DACH2: variants seen among roughly 807,000 people sequenced by gnomAD.
The protein encoded by DACH2 is dachshund family transcription factor 2, also known as dachshund homolog 2.
Under a neutral mutation model 35.8 loss-of-function variants are expected in DACH2, and 17 were observed. That is an observed-to-expected ratio of 0.48 (90% confidence interval 0.33 to 0.71). DACH2 has a LOEUF of 0.71. Among genes scored for constraint, DACH2 ranks in the 30% least tolerant of loss-of-function variants. The pLI, the probability that DACH2 is intolerant of heterozygous loss-of-function variation, is 0.02. For synonymous variants in DACH2, 195 were observed against 177.3 expected (o/e 1.10, Z -0.79); for missense variants, 469 against 472.7 (o/e 0.99, Z 0.07).
chrX:86,671,288 A>G (rs150620538), intron 4 of DACH2, among the ~76,000 whole-genome samples: 25 of 112,334 alleles, frequency 2.2e-4, no homozygotes, highest in Non-Finnish European at 1.7e-4. Flanking sequence ...GGATATTGCA[A>G]CGAAAGGTAT....
At chrX:86,414,623 G>A (rs1602494310) in intron 2 of DACH2, among the ~76,000 whole-genome samples, 1 of 111,164 alleles carries the variant, frequency 9.0e-6, no homozygotes, top group East Asian at 2.9e-4. Flanking sequence ...CAGCTGGAAT[G>A]AGTAGGTCTA....
intron 2 of DACH2, among the ~76,000 whole-genome samples, chrX:86,444,420 G>C (rs1229798381): frequency 9.0e-6 from 1 of 111,530 alleles, no homozygotes; most frequent in Non-Finnish European, 1.9e-5. Flanking sequence ...GTAGAATTCA[G>C]CAGTAAAGTC....
intron 2 of DACH2, among the ~76,000 whole-genome samples, chrX:86,390,741 C>A (rs932705600): frequency 9.2e-6 from 1 of 108,936 alleles, no homozygotes; most frequent in African/African-American, 3.3e-5. Flanking sequence ...AGGCATGCAC[C>A]ACCACACCTG....
intron 1 of DACH2, among the ~76,000 whole-genome samples, chrX:86,358,431 C>CCACA (rs752012562): frequency 0.012 from 1,076 of 87,518 alleles, 4 homozygotes; most frequent in Middle Eastern, 0.019. Flanking sequence ...CCCAGCCCCG[C>CCACA]CACACACACA....
At chrX:86,336,195 T>C (rs866849953) in intron 1 of DACH2, among the ~76,000 whole-genome samples, 34 of 112,443 alleles carry the variant, frequency 3.0e-4, no homozygotes, top group African/African-American at 1.1e-3. Flanking sequence ...ATCAGGGCTA[T>C]TGGCCTGAAA....
At chrX:86,590,515 C>G (rs1427851077) in intron 3 of DACH2, among the ~76,000 whole-genome samples, 1 of 111,978 alleles carries the variant, frequency 8.9e-6, no homozygotes, top group East Asian at 2.8e-4. Flanking sequence ...ATCAATGAAG[C>G]TGCTGTATAT....
rs137921843 is a variant in DACH2, at chrX:86,814,724, C to A, written c.1574C>A (p.Thr525Asn). 50 of 1,209,298 alleles carry A rather than the reference C, an allele frequency of 4.1e-5. No individual in the cohort carries two copies. Among genetic ancestry groups the A allele is most frequent in the East Asian group, 8.9e-5 (3 of 33,722 alleles). The change falls in exon 10 of 12, where the codon ACC becomes AAC. Residue 525 changes from threonine to asparagine, a missense_variant. This residue lies in a region of DACH2 where 363 missense variants were observed against 334.4 expected (regional missense o/e 1.09). Coordinates refer to ENST00000373125, the MANE Select transcript of DACH2 (RefSeq NM_053281.3). ...AAGCGCCTGAAGAAGGAGAAAAAAA[C>A]CAAGAGAAAATTGCAGGAAGCCTTG... ...MQKRLKKEKK[T>N]KRKLQEALEF...
At chrX:86,327,539 T>C (rs745932181) in intron 1 of DACH2, among the ~76,000 whole-genome samples, 1 of 111,756 alleles carries the variant, frequency 8.9e-6, no homozygotes, top group South Asian at 3.7e-4. Flanking sequence ...TGGATTATTT[T>C]CCCCCTGTCC....
At chrX:86,792,710 C>A (rs1029834487) in intron 7 of DACH2, among the ~76,000 whole-genome samples, 3 of 111,663 alleles carry the variant, frequency 2.7e-5, no homozygotes, top group Admixed American at 9.5e-5. Context: ...GGATTTCATT[C>A]TATTTTATGG....
At chrX:86,518,223 T>C (rs1183057554) in intron 3 of DACH2, among the ~76,000 whole-genome samples, 4 of 112,079 alleles carry the variant, frequency 3.6e-5, no homozygotes, top group African/African-American at 9.7e-5. Flanking sequence ...TAGCATTATT[T>C]CTGGGTGCTC....
At chrX:86,702,207 T>A (rs2041153025) in intron 5 of DACH2, among the ~76,000 whole-genome samples, 1 of 111,328 alleles carries the variant, frequency 9.0e-6, no homozygotes, top group Non-Finnish European at 1.9e-5. Flanking sequence ...ATGGAAATTT[T>A]AAAAATATTC....
chrX:86,179,728 C>T (rs755973990), intron 1 of DACH2, among the ~76,000 whole-genome samples: 1 of 110,775 alleles, frequency 9.0e-6, no homozygotes, highest in Admixed American at 1.0e-4. Context: ...AATGAAGGAG[C>T]TGGCTTGCTC....
At chrX:86,450,831 G>C (rs189947386) in intron 2 of DACH2, among the ~76,000 whole-genome samples, 15 of 110,899 alleles carry the variant, frequency 1.4e-4, no homozygotes, top group Non-Finnish European at 2.5e-4. Context: ...GAGACGTTGA[G>C]CTTTTAAAAA....
intron 3 of DACH2, among the ~76,000 whole-genome samples, chrX:86,524,683 T>C (rs1460525674): frequency 8.9e-6 from 1 of 111,771 alleles, no homozygotes; most frequent in Non-Finnish European, 1.9e-5. Context: ...TTATTCTATA[T>C]GTAGTATATT....
chrX:86,665,935 A>G (rs2040663327), intron 4 of DACH2, among the ~76,000 whole-genome samples: 1 of 111,768 alleles, frequency 8.9e-6, no homozygotes, highest in African/African-American at 3.3e-5. Flanking sequence ...CTTTCTTTTC[A>G]TAAGTTCTTG....
intron 2 of DACH2, among the ~76,000 whole-genome samples, chrX:86,425,677 T>G (rs1312357804): frequency 9.0e-6 from 1 of 111,371 alleles, no homozygotes; most frequent in East Asian, 2.8e-4. Flanking sequence ...CAATTTCACT[T>G]ATTTCTGCTC....
intron 1 of DACH2, among the ~76,000 whole-genome samples, chrX:86,199,550 A>C (rs1432616000): frequency 8.9e-6 from 1 of 112,005 alleles, no homozygotes; most frequent in Non-Finnish European, 1.9e-5. Context: ...TAAACTGATA[A>C]ACAACTTGAG....
intron 3 of DACH2, among the ~76,000 whole-genome samples, chrX:86,598,971 A>C (rs1404886320): frequency 9.2e-6 from 1 of 108,537 alleles, no homozygotes; most frequent in Non-Finnish European, 1.9e-5. Context: ...ACCCCACGAC[A>C]GGCCCCAGTG....
intron 2 of DACH2, among the ~76,000 whole-genome samples, chrX:86,413,051 C>T (rs1037569138): frequency 1.8e-5 from 2 of 111,395 alleles, no homozygotes; most frequent in Non-Finnish European, 3.8e-5. Flanking sequence ...AGGAATATCT[C>T]GACAGGCCCC....
Sources: allele counts gnomAD v4.1 joint callset (sites outside exome capture counted in the v4.1 genomes callset), GRCh38; gene constraint gnomAD v4.1.1; regional missense constraint gnomAD v4.1.1; transcripts MANE v1.5; gene names NCBI Gene and HGNC (gene_info 2026-07-23, HGNC 2026-07-21).